Variants in CEP164 observed in about 807,000 individuals in gnomAD.
CEP164 encodes the protein centrosomal protein of 164 kDa.
CEP164 carries 162 observed loss-of-function variants against 182.7 expected under a neutral mutation model. The observed-to-expected ratio is 0.89, with a 90% CI of 0.78 to 1.01. The LOEUF (loss-of-function observed/expected upper bound fraction) is 1.01, where lower values mean the gene tolerates loss of function less well. CEP164 is among the 50% of genes least tolerant of loss of function. The probability of loss-of-function intolerance (pLI) is 0.00; values close to 1 mark genes in which losing one functional copy is unlikely to be tolerated. For synonymous variants in CEP164, 661 were observed against 690.0 expected, an observed-to-expected ratio of 0.96 and a Z score of 0.66; for missense variants, 1,735 against 1,790.4, an observed-to-expected ratio of 0.97 and a Z score of 0.56.
rs201462872 is a variant in CEP164, at chr11:117,409,004, C to T, written c.3724C>T (p.Arg1242Cys). Residue 1242 changes from arginine to cysteine, a missense_variant, in exon 29 of 33, where the codon CGT becomes TGT. Physicochemically the swap from Arg to Cys is radical, Grantham distance 180. Transcript: ENST00000278935. The surrounding 1 kb of genome is among the most constrained non-coding windows in gnomAD (Gnocchi z 4.4). ...TTCTGAATCTTTTTCCCCGCCTCAC[C>T]GTGAGTGGTGGCGGCAGCAGAGGAG... Reference protein sequence around the residue: ...ESSESFSPPHREWWRQQRIDS... With the variant: ...ESSESFSPPHCEWWRQQRIDS... 1.4e-5 allele frequency: 23 copies of T among 1,614,000 alleles called. No individual in the cohort carries two copies. Among genetic ancestry groups the T allele is most frequent in the Middle Eastern group, 1.7e-4 (1 of 6,060 alleles).
chr11:117,339,413 T>A (rs1055541607), intron 3 of CEP164, among the ~76,000 whole-genome samples: 1 of 152,088 alleles, frequency 6.6e-6, no homozygotes, highest in Non-Finnish European at 1.5e-5. Flanking sequence ...AGTGTTTTTT[T>A]AAACAACAAT....
chr11:117,411,673 A>G lies in CEP164; in HGVS notation c.4164-122A>G, dbSNP rs2047368074. 8.7e-6 allele frequency: 12 copies of G among 1,385,096 alleles called. No individual in the cohort carries two copies. The highest frequency in any genetic ancestry group is 1.2e-5 in the Non-Finnish European group (12 of 1,009,808). The allele number at this position is 1,385,096 out of a possible 1,614,324, so 85.8% of individuals were successfully genotyped here. A position where few individuals can be genotyped will look rare whatever the true frequency, so the allele number is the denominator to read the frequency against. ...AGCTTTGAATTGCTAGGGACCTCGG[A>G]GAAGCTGCTCTGGTAGCTGAGAGAA... On this transcript the variant is annotated intron_variant, in intron 31 of 32. Coordinates refer to ENST00000278935, the MANE Select transcript of CEP164 (RefSeq NM_014956.5). This position sits in a 1 kb window ranked among gnomAD's most constrained non-coding sequence, Gnocchi z 4.4.
At chr11:117,344,326 G>A (rs375490790) in intron 4 of CEP164, 49 bp downstream of exon 4, 7 of 1,301,654 alleles carry the variant, frequency 5.4e-6, no homozygotes, top group African/African-American at 2.9e-5. Context: ...CAGAGGCAGA[G>A]GGAAGCTAAT....
intron 27 of CEP164, among the ~76,000 whole-genome samples, chr11:117,407,049 A>G (rs893058225): frequency 5.3e-5 from 8 of 152,042 alleles, no homozygotes; most frequent in African/African-American, 1.9e-4. Context: ...GTGAGCCGAG[A>G]TCGCACCACT....
chr11:117,392,695 G>T, intron 19 of CEP164, 68 bp downstream of exon 19: 1 of 1,562,722 alleles, frequency 6.4e-7, no homozygotes, highest in Admixed American at 1.9e-5. Context: ...CAGCTGAGCC[G>T]GCCTAGCCTC....
At chr11:117,388,772 T>TC (rs2136275981) in intron 15 of CEP164, among the ~76,000 whole-genome samples, 1 of 14,376 alleles carries the variant, frequency 7.0e-5, no homozygotes, top group Non-Finnish European at 2.4e-4. Context: ...ATTTTCTCTC[T>TC]TTTTTTTTTT....
chr11:117,377,637 G>A (rs1372457659), intron 11 of CEP164, among the ~76,000 whole-genome samples: 2 of 152,148 alleles, frequency 1.3e-5, no homozygotes, highest in African/African-American at 4.8e-5. Flanking sequence ...TATTTTCCAT[G>A]TCTCTCTCAA....
At position 117,361,849 on chromosome 11, in the gene CEP164, A is replaced by G. The variant is rs756111498; in HGVS notation, c.408A>G (p.Ser136=). The G allele has an allele frequency of 3.7e-6, 6 of 1,614,222 alleles. No homozygotes were observed. Among genetic ancestry groups the G allele is most frequent in the Non-Finnish European group, 5.1e-6 (6 of 1,180,030 alleles). The part of the protein sequence containing the change: ...PPKSSLALGS[S]LAPVHVPLGG... The stretch of plus-strand genomic sequence containing the variant: ...CTGTTGCACAGGCCTTGGGTTCCTC[A>G]TTAGCCCCAGTTCATGTTCCTCTTG... Residue 136 remains serine, a synonymous_variant, in exon 6 of 33, where the codon TCA becomes TCG. Transcript: ENST00000278935.
At chr11:117,373,945 T>A in intron 10 of CEP164, 114 bp downstream of exon 10, 1 of 822,452 alleles carries the variant, frequency 1.2e-6, no homozygotes, top group Admixed American at 2.3e-5. Context: ...AATTTCGAAC[T>A]CATGCTTGAG....
chr11:117,352,278 CAGT>C (rs1388371714), intron 5 of CEP164, among the ~76,000 whole-genome samples: 1 of 152,040 alleles, frequency 6.6e-6, no homozygotes, highest in East Asian at 1.9e-4. Context: ...TGGTTTTTTG[CAGT>C]AGTAGTAGCA....
rs1415192386 is a variant in CEP164 at position 117,338,611 on chromosome 11, G to C, written c.25G>C (p.Gly9Arg). 6.2e-7 allele frequency: 1 copy of C among 1,614,156 alleles called. No individual in the cohort carries two copies. Among genetic ancestry groups the C allele is most frequent in the South Asian group, 1.1e-5 (1 of 91,074 alleles). MAGRPLRI[G>R]DQLVLEEDYD... is the part of the protein sequence containing the mutation. ...CATGGCTGGACGACCCCTCCGCATAGGAGATCAGCTGGTTCTGGAAGAAGA... is the reference window on the plus strand; with the variant it reads ...CATGGCTGGACGACCCCTCCGCATACGAGATCAGCTGGTTCTGGAAGAAGA... Residue 9 changes from glycine to arginine, a missense_variant, in exon 3 of 33, where the codon GGA becomes CGA. Gly to Arg is a moderately radical substitution (Grantham distance 125). Transcript: ENST00000278935.
intron 1 of CEP164, among the ~76,000 whole-genome samples, chr11:117,334,796 AAAAAAAAG>A (rs1232549052): frequency 4.0e-5 from 6 of 151,842 alleles, no homozygotes; most frequent in Non-Finnish European, 7.4e-5. Flanking sequence ...AAAAAAAAAA[AAAAAAAAG>A]GTAAATATAG....
At chr11:117,334,010 T>A (rs2036632254) in intron 1 of CEP164, among the ~76,000 whole-genome samples, 1 of 152,204 alleles carries the variant, frequency 6.6e-6, no homozygotes, top group Non-Finnish European at 1.5e-5. Context: ...TACCTACTCA[T>A]CATTCAGTTC....
chr11:117,385,579 A>T (rs899682664), intron 14 of CEP164: 5 of 152,300 alleles, frequency 3.3e-5, no homozygotes, highest in African/African-American at 1.2e-4. Context: ...GAGAGACATT[A>T]AAAGGTACCA....
chr11:117,361,944 G>C lies in CEP164; in HGVS notation c.503G>C (p.Ser168Thr). The change falls in exon 6 of 33, where the codon AGC becomes ACC. Residue 168 changes from serine to threonine, a missense_variant. Physicochemically the swap from Ser to Thr is moderately conservative, Grantham distance 58. Transcript: ENST00000278935. The stretch of plus-strand genomic sequence containing the variant: ...GCTCTTCGTGGATCTCAAAGCGTGA[G>C]CCTGGGGAGCTCAGTGGAGTCTGGA... ...PSALRGSQSV[S>T]LGSSVESGRQ... The C allele has an allele frequency of 6.2e-7, 1 of 1,606,406 alleles. No homozygotes were observed. Among genetic ancestry groups the C allele is most frequent in the South Asian group, 1.1e-5 (1 of 89,678 alleles).
chr11:117,409,580 C>T lies in CEP164; in HGVS notation c.3749-38C>T. On this transcript the variant is annotated intron_variant, in intron 29 of 32. Transcript: ENST00000278935. This position sits in a 1 kb window ranked among gnomAD's most constrained non-coding sequence, Gnocchi z 4.4. Reference sequence around the variant, plus strand: ...TCTGGGAATGGTCCAGGGTCCTGAGCTTGAGTCCCTTCCCACCATCCACCT... The same window carrying T: ...TCTGGGAATGGTCCAGGGTCCTGAGTTTGAGTCCCTTCCCACCATCCACCT... 1 of 1,558,662 alleles carries T rather than the reference C, an allele frequency of 6.4e-7. No individual in the cohort carries two copies. Among genetic ancestry groups the T allele is most frequent in the South Asian group, 1.2e-5 (1 of 83,388 alleles).
At chr11:117,322,757 A>ATT (rs34284352) in intron 1 of CEP164, among the ~76,000 whole-genome samples, 5 of 47,732 alleles carry the variant, frequency 1.0e-4, no homozygotes, top group Non-Finnish European at 1.6e-4. Context: ...ATATAGATAG[A>ATT]TTTTTTTTTT....
chr11:117,386,156 C>T (rs190208364), intron 14 of CEP164: 2 of 152,288 alleles, frequency 1.3e-5, no homozygotes, highest in Non-Finnish European at 2.9e-5. Flanking sequence ...GCCAGGCCTG[C>T]AACAGCCTGA....
rs559473249 is a variant in CEP164 at position 117,380,676 on chromosome 11, G to A, written c.1380G>A (p.Gln460=). 4.8e-5 allele frequency: 77 copies of A among 1,608,466 alleles called. No individual in the cohort carries two copies. In the East Asian group the frequency reaches 1.4e-3, roughly 30 times the overall value. The change falls in exon 12 of 33, where the codon CAG becomes CAA. Residue 460 remains glutamine (Q), a synonymous_variant. Transcript: ENST00000278935. ...GCCAGTCCAGCCAAGATGAGCTGCA[G>A]AGCAAGCAGTCCAAAGGCCTGGAGG... ...DDSQSSQDEL[Q]SKQSKGLEER...
Sources: gnomAD v4.1 joint callset for allele counts (sites outside exome capture counted in the v4.1 genomes callset) on GRCh38, gnomAD v4.1.1 for gene constraint, Gnocchi (gnomAD v3.1) non-coding constraint, MANE v1.5 for transcripts, NCBI Gene and HGNC (gene_info 2026-07-23, HGNC 2026-07-21) for gene names.